The following PLSCR1 variants were observed in gnomAD, a reference collection of about 807,000 sequenced individuals.
PLSCR1 encodes the protein phospholipid scramblase 1, also known as PL scramblase 1.
Under a neutral mutation model 37.8 loss-of-function variants are expected in PLSCR1, and 17 were observed. The ratio of observed to expected loss-of-function variants is 0.45; its 90% CI spans 0.31 to 0.68. The LOEUF (loss-of-function observed/expected upper bound fraction) is 0.68. PLSCR1 is among the 30% of genes least tolerant of loss of function. The pLI, the probability that PLSCR1 is intolerant of heterozygous loss-of-function variation, is 0.06. For synonymous variants in PLSCR1, 116 were observed against 125.9 expected (o/e 0.92, Z 0.53); for missense variants, 347 against 380.9 (o/e 0.91, Z 0.74).
intron 3 of PLSCR1, among the ~76,000 whole-genome samples, chr3:146,531,731 C>A (rs2044201562): frequency 6.6e-6 from 1 of 152,178 alleles, no homozygotes; most frequent in Non-Finnish European, 1.5e-5. Flanking sequence ...CTCTACAAAG[C>A]AACCTACATT....
intron 4 of PLSCR1, among the ~76,000 whole-genome samples, chr3:146,527,661 A>G (rs1421528135): frequency 6.6e-6 from 1 of 152,206 alleles, no homozygotes; most frequent in Admixed American, 6.5e-5. Flanking sequence ...GATTTTTAAA[A>G]TATCTATTTC....
intron 1 of PLSCR1, among the ~76,000 whole-genome samples, chr3:146,538,972 A>G (rs1297206378): frequency 1.3e-5 from 2 of 152,162 alleles, no homozygotes; most frequent in Non-Finnish European, 2.9e-5. Flanking sequence ...GGCACCAGGG[A>G]CCGGTTTTGT....
intron 3 of PLSCR1, among the ~76,000 whole-genome samples, chr3:146,530,459 A>G (rs2044181001): frequency 6.6e-6 from 1 of 152,200 alleles, no homozygotes; most frequent in African/African-American, 2.4e-5. Context: ...CTTACAGTCA[A>G]CTTCTGGGAG....
chr3:146,533,501 A>C lies in PLSCR1; in HGVS notation c.63T>G (p.Tyr21Ter). 1.2e-6 allele frequency: 2 copies of C among 1,607,286 alleles called. No individual in the cohort carries two copies. The highest frequency in any genetic ancestry group is 2.2e-5 in the South Asian group (2 of 90,316). The change falls in exon 3 of 9, where the codon TAT (tyrosine) becomes TAG (stop). Residue 21 changes from tyrosine to a stop codon, truncating the protein, a stop_gained. Transcript: ENST00000342435. LOFTEE classifies it high-confidence loss of function. Reference protein sequence around the residue: ...SHPETNLPVGYPPQYPPTAFQ... With the variant: ...SHPETNLPVG Reference sequence around the variant, plus strand: ...ATGCTGTCGGTGGATACTGAGGAGGATACCCAACTGGCAAGTTTGTTTCCG... The same window carrying C: ...ATGCTGTCGGTGGATACTGAGGAGGCTACCCAACTGGCAAGTTTGTTTCCG...
chr3:146,527,502 C>A (rs1310318235), intron 4 of PLSCR1, among the ~76,000 whole-genome samples: 1 of 152,142 alleles, frequency 6.6e-6, no homozygotes, highest in Non-Finnish European at 1.5e-5. Flanking sequence ...AGAAAACAAT[C>A]TTCCTTCTAG....
intron 2 of PLSCR1, among the ~76,000 whole-genome samples, chr3:146,535,280 C>G (rs892303706): frequency 2.0e-5 from 3 of 151,984 alleles, no homozygotes; most frequent in Non-Finnish European, 4.4e-5. Flanking sequence ...CAGGAACAGA[C>G]AGACTCAAGA....
intron 4 of PLSCR1, 130 bp from the exon 5 acceptor site, chr3:146,525,777 A>G: frequency 2.1e-6 from 1 of 478,986 alleles, no homozygotes. Flanking sequence ...AACAGCTTAT[A>G]TTACTTTTTA....
chr3:146,532,719 G>A (rs2044216054), intron 3 of PLSCR1, among the ~76,000 whole-genome samples: 1 of 152,130 alleles, frequency 6.6e-6, no homozygotes, highest in Admixed American at 6.6e-5. Flanking sequence ...TTCAAGATGT[G>A]GGTAGCCTGT....
At chr3:146,526,183 C>CAAAAAAAAAAAAAAAAAAAAAA (rs60229241) in intron 4 of PLSCR1, among the ~76,000 whole-genome samples, 13 of 42,802 alleles carry the variant, frequency 3.0e-4, no homozygotes, top group African/African-American at 4.8e-4. Flanking sequence ...GACTCCATCT[C>CAAAAAAAAAAAAAAAAAAAAAA]AAAAAAAAAA....
intron 3 of PLSCR1, among the ~76,000 whole-genome samples, chr3:146,529,816 T>C (rs2044171859): frequency 6.6e-6 from 1 of 152,170 alleles, no homozygotes; most frequent in Admixed American, 6.5e-5. Context: ...CCCATTCGTT[T>C]AGTACACGTC....
intron 5 of PLSCR1, among the ~76,000 whole-genome samples, chr3:146,522,670 C>G (rs919182889): frequency 6.6e-6 from 1 of 152,000 alleles, no homozygotes; most frequent in Non-Finnish European, 1.5e-5. Context: ...TCCACCAGTC[C>G]GACACCCGTA....
chr3:146,540,016 G>T (rs2044317799), intron 1 of PLSCR1, among the ~76,000 whole-genome samples: 2 of 152,146 alleles, frequency 1.3e-5, no homozygotes. Context: ...TCAGTTTGGG[G>T]AATAACTGGG....
Position 146,515,806 on chromosome 3 carries a change from GA to G in PLSCR1, c.*238del, listed in dbSNP as rs2043938109. ...CATAATTCAAAGCAGTTTTTCAAAG[GA>G]AGTTTCATTAATAAATGCAAAAACT... On this transcript the variant is annotated 3_prime_UTR_variant, in exon 9 of 9. Coordinates refer to ENST00000342435, the MANE Select transcript of PLSCR1 (RefSeq NM_021105.3). The G allele has an allele frequency of 3.0e-6, 1 of 334,178 alleles. No homozygotes were observed. The highest frequency in any genetic ancestry group is 2.1e-5 in the African/African-American group (1 of 46,924). The allele number at this position is 334,178 out of a possible 1,614,324, so 20.7% of individuals were successfully genotyped here.
intron 5 of PLSCR1, 34 bp from the exon 6 acceptor site, chr3:146,522,087 C>G: frequency 8.6e-7 from 1 of 1,158,988 alleles, no homozygotes; most frequent in Non-Finnish European, 1.3e-6. Context: ...ATAATCACCT[C>G]TATGTTAAAA....
intron 7 of PLSCR1, among the ~76,000 whole-genome samples, chr3:146,518,757 C>T (rs934962477): frequency 2.6e-5 from 4 of 152,042 alleles, no homozygotes; most frequent in African/African-American, 9.7e-5. Flanking sequence ...AAATAATGAT[C>T]TTCAACCAAT....
At chr3:146,528,529 G>C (rs780504347) in intron 4 of PLSCR1, 85 bp downstream of exon 4, 3 of 1,053,804 alleles carry the variant, frequency 2.8e-6, no homozygotes, top group South Asian at 2.6e-5. Flanking sequence ...TTCAGACTTT[G>C]GTGAATTATT....
In PLSCR1 at chr3:146,516,057, T is replaced by G. The variant is rs771813557; in HGVS notation, c.945A>C (p.Ser315=). Residue 315 remains serine, a synonymous_variant, in exon 9 of 9, where the codon TCA becomes TCC. Transcript: ENST00000342435. ...TTTCACTAATCCACTACCACACTCC[T>G]GATTTTTGTTCCTGGCTGCCAGTGC... ...FESTGSQEQK[S]GVW 1 of 1,607,518 alleles carries G rather than the reference T, an allele frequency of 6.2e-7. No homozygotes were observed. Among genetic ancestry groups the G allele is most frequent in the Non-Finnish European group, 8.5e-7 (1 of 1,174,870 alleles).
At chr3:146,521,285 C>T (rs1431268749) in intron 7 of PLSCR1, among the ~76,000 whole-genome samples, 6 of 152,148 alleles carry the variant, frequency 3.9e-5, no homozygotes, top group Admixed American at 6.5e-5. Flanking sequence ...GAAACCACCA[C>T]GTTTAAGTGA....
At chr3:146,519,919 T>C (rs1344107317) in intron 7 of PLSCR1, among the ~76,000 whole-genome samples, 1 of 152,118 alleles carries the variant, frequency 6.6e-6, no homozygotes. Flanking sequence ...TAGTTCCACA[T>C]AGTACACCTA....
Sources: allele counts gnomAD v4.1 joint callset (sites outside exome capture counted in the v4.1 genomes callset), GRCh38; gene constraint gnomAD v4.1.1; transcripts MANE v1.5; gene names NCBI Gene and HGNC (gene_info 2026-07-23, HGNC 2026-07-21).